The following MGAM variants were observed in gnomAD, a reference collection of about 807,000 sequenced individuals.
The protein encoded by MGAM is alpha-1,4-glucosidase.
A neutral mutation model predicts 358.8 loss-of-function variants in MGAM; 253 were observed. The observed-to-expected ratio is 0.71, with a 90% CI of 0.64 to 0.78. The LOEUF (loss-of-function observed/expected upper bound fraction) is 0.78, where lower values mean the gene tolerates loss of function less well. MGAM is among the 30% of genes least tolerant of loss of function. The pLI is 0.00. For missense variants in MGAM, 3,080 were observed against 3,432.6 expected, an observed-to-expected ratio of 0.90 and a Z score of 2.57; for synonymous variants, 1,105 against 1,227.1, an observed-to-expected ratio of 0.90 and a Z score of 2.08.
In MGAM at chr7:142,093,307, C is replaced by T; in HGVS notation, c.7034-105C>T. On this transcript the variant is annotated intron_variant, in intron 59 of 70. Transcript: ENST00000475668. ...CTGGGAAGACGGAGAGTGACACAGGCAGGACTGAAGTTAGTCTTAAGATCC... is the reference window on the plus strand; with the variant it reads ...CTGGGAAGACGGAGAGTGACACAGGTAGGACTGAAGTTAGTCTTAAGATCC... The T allele has an allele frequency of 1.5e-6, 2 of 1,351,710 alleles. 1 individual carries two copies. The highest frequency in any genetic ancestry group is 2.0e-6 in the Non-Finnish European group (2 of 980,852). 83.7% of individuals were successfully genotyped at this position (1,351,710 alleles called of 1,614,324 possible).
At chr7:142,044,192 A>C (rs1326953218) in intron 21 of MGAM, among the ~76,000 whole-genome samples, 2 of 137,128 alleles carry the variant, frequency 1.5e-5, no homozygotes, top group Admixed American at 1.6e-4. Context: ...TACGACATAT[A>C]ATATATAATA....
At position 142,045,266 on chromosome 7, in the gene MGAM, TTA is replaced by T. The variant is rs554450778; in HGVS notation, c.2499-2512_2499-2511del. On this transcript the variant is annotated intron_variant, in intron 21 of 70. Coordinates refer to ENST00000475668, the MANE Select transcript of MGAM (RefSeq NM_001365693.1). ...TATAATATATGATATATAATATATA[TTA>T]TATATACCTATAATATATGATATAT... 7.1e-3 allele frequency among the ~76,000 whole-genome samples: 622 copies of T among 87,344 alleles called. 8 individuals are homozygous for T. Among genetic ancestry groups the T allele is most frequent in the African/African-American group, 0.028 (609 of 21,898 alleles). The allele number at this position is 87,344 out of a possible 152,430, so 57.3% of individuals were successfully genotyped here.
Position 142,052,290 on chromosome 7 carries a change from A to G in MGAM, c.2806-4A>G. On this transcript the variant is annotated splice_region_variant and splice_polypyrimidine_tract_variant and intron_variant, in intron 24 of 70. Transcript: ENST00000475668. ...ATTTCCTTATGATTTCCACATTCCT[A>G]CAGGTTGCCATTATCACAGATATTG... 6.2e-7 allele frequency: 1 copy of G among 1,600,146 alleles called. No individual in the cohort carries two copies. The highest frequency in any genetic ancestry group is 8.5e-7 in the Non-Finnish European group (1 of 1,172,510).
rs890239192 is a variant in MGAM at position 142,089,070 on chromosome 7, C to A, written c.6810+2353C>A. Among the ~76,000 whole-genome samples, 109 of 145,296 alleles carry A rather than the reference C, an allele frequency of 7.5e-4. 14 individuals are homozygous for A. The highest frequency in any genetic ancestry group is 2.8e-4 in the Non-Finnish European group (18 of 64,400). On this transcript the variant is annotated intron_variant, in intron 57 of 70. Coordinates refer to ENST00000475668, the MANE Select transcript of MGAM (RefSeq NM_001365693.1). ...GGGAGAAGACCTAGCTTCCTGTCCTCTCGTCACCTCTCACAGAGAATCACT... is the reference window on the plus strand; with the variant it reads ...GGGAGAAGACCTAGCTTCCTGTCCTATCGTCACCTCTCACAGAGAATCACT...
Position 142,039,525 on chromosome 7 carries a change from G to GC in MGAM, c.2317-586dup, listed in dbSNP as rs1196971045. 2.0e-5 allele frequency among the ~76,000 whole-genome samples: 3 copies of GC among 152,112 alleles called. No homozygotes were observed. The East Asian group carries it at 5.8e-4, about 29-fold the overall frequency. On this transcript the variant is annotated intron_variant, in intron 19 of 70. Coordinates refer to ENST00000475668, the MANE Select transcript of MGAM (RefSeq NM_001365693.1). ...TCATCATCCAGTCAGCTCCCTCCAG[G>GC]CCCCACCTCCAACACTGGGGATTAC...
At chr7:142,051,672 C>T (rs188411368) in intron 24 of MGAM, among the ~76,000 whole-genome samples, 140 of 151,770 alleles carry the variant, frequency 9.2e-4, no homozygotes, top group African/African-American at 3.2e-3. Context: ...TCAAATTTGC[C>T]GTTGCTAAAA....
intron 22 of MGAM, among the ~76,000 whole-genome samples, chr7:142,048,990 G>C (rs1258421255): frequency 6.6e-6 from 1 of 152,004 alleles, no homozygotes; most frequent in Non-Finnish European, 1.5e-5. Flanking sequence ...CTAAAAATTT[G>C]TACCCTTGAC....
rs782709536 is a variant in MGAM, at chr7:142,027,111, C to G, written c.983-4C>G. ...TTTATTTTCTTCATTTTTAACCTTTCAAGAGGTTGTCCTTCAGCCTGCGCC... is the reference window on the plus strand; with the variant it reads ...TTTATTTTCTTCATTTTTAACCTTTGAAGAGGTTGTCCTTCAGCCTGCGCC... On this transcript the variant is annotated splice_polypyrimidine_tract_variant and splice_region_variant and intron_variant, in intron 8 of 70. Coordinates refer to ENST00000475668, the MANE Select transcript of MGAM (RefSeq NM_001365693.1). 2 of 1,604,302 alleles carry G rather than the reference C, an allele frequency of 1.2e-6. No individual in the cohort carries two copies. Among genetic ancestry groups the G allele is most frequent in the Non-Finnish European group, 1.7e-6 (2 of 1,171,570 alleles).
intron 45 of MGAM, among the ~76,000 whole-genome samples, chr7:142,075,575 T>C (rs1323750657): frequency 6.8e-6 from 1 of 146,334 alleles, no homozygotes; most frequent in Admixed American, 6.9e-5. Flanking sequence ...AAGGAACATA[T>C]GCAACTCAGT....
At chr7:142,045,186 TG>T (rs201740169) in intron 21 of MGAM, among the ~76,000 whole-genome samples, 5,175 of 73,550 alleles carry the variant, frequency 0.07, 608 homozygotes, top group African/African-American at 0.28. Context: ...ATAACATATA[TG>T]ATATATAATA....
intron 21 of MGAM, among the ~76,000 whole-genome samples, chr7:142,041,973 TATATATATA>T (rs1808750047): frequency 4.3e-5 from 1 of 23,092 alleles, no homozygotes. Context: ...ATATATATTA[TATATATATA>T]ATATAATATA....
At position 142,045,831 on chromosome 7, in the gene MGAM, A is replaced by ATCG. The variant is rs1425852952; in HGVS notation, c.2499-1953_2499-1952insCGT. On this transcript the variant is annotated intron_variant, in intron 21 of 70. Transcript: ENST00000475668. ...AATGTATGAATATATGATATATATTATATATACATACAATATGTAATATAT... is the reference window on the plus strand; with the variant it reads ...AATGTATGAATATATGATATATATTATCGTATATACATACAATATGTAATATAT... 5.8e-4 allele frequency among the ~76,000 whole-genome samples: 69 copies of ATCG among 119,762 alleles called. 14 individuals carry two copies. The highest frequency in any genetic ancestry group is 2.2e-3 in the African/African-American group (63 of 29,002). The allele number at this position is 119,762 out of a possible 152,430, so 78.6% of individuals were successfully genotyped here.
At chr7:142,066,549 A>C in intron 40 of MGAM, 24 bp from the exon 41 acceptor site, 1 of 1,553,138 alleles carries the variant, frequency 6.4e-7, no homozygotes. Flanking sequence ...GCGAGCTCCC[A>C]ACACTGTTCT....
chr7:142,022,599 G>A (rs1482640376), intron 7 of MGAM, among the ~76,000 whole-genome samples, 160 bp downstream of exon 7: 4 of 152,156 alleles, frequency 2.6e-5, no homozygotes, highest in Non-Finnish European at 5.9e-5. Flanking sequence ...GGTTCTGGGT[G>A]TTACCTACCT....
intron 31 of MGAM, 39 bp from the exon 32 acceptor site, chr7:142,059,433 T>G: frequency 6.3e-7 from 1 of 1,597,502 alleles, no homozygotes; most frequent in South Asian, 1.1e-5. Context: ...CTTGGGCGTG[T>G]ACAGCAGCAG....
chr7:142,084,432 G>A lies in MGAM; in HGVS notation c.6382-87G>A, dbSNP rs1814585540. The A allele has an allele frequency of 2.9e-6, 4 of 1,395,246 alleles. 1 individual carries two copies. The highest frequency in any genetic ancestry group is 1.8e-5 in the Admixed American group (1 of 55,514). The allele number at this position is 1,395,246 out of a possible 1,614,324, so 86.4% of individuals were successfully genotyped here. On this transcript the variant is annotated intron_variant, in intron 53 of 70. Transcript: ENST00000475668. Reference sequence around the variant, plus strand: ...CAATTAGTTAGTTGTCTAGCTTGGGGCACAGAAAAATATTCTTATTACTTG... The same window carrying A: ...CAATTAGTTAGTTGTCTAGCTTGGGACACAGAAAAATATTCTTATTACTTG...
intron 24 of MGAM, 145 bp from the exon 25 acceptor site, chr7:142,052,146 CTCT>C: frequency 1.5e-6 from 1 of 684,150 alleles, no homozygotes; most frequent in Non-Finnish European, 2.4e-6. Context: ...ATGTGCAGTT[CTCT>C]TCTTATAAGC....
rs775175498 is a variant in MGAM, at chr7:142,100,787, G to C, written c.7875-15G>C. ...CTTTACTTTTAGCTAATGCCTCTCT[G>C]CCTGCTCACTGCAGCCGCCAGAAAT... On this transcript the variant is annotated splice_polypyrimidine_tract_variant and intron_variant, in intron 67 of 70. Coordinates refer to ENST00000475668, the MANE Select transcript of MGAM (RefSeq NM_001365693.1). The C allele has an allele frequency of 3.1e-6, 5 of 1,604,058 alleles. No individual in the cohort carries two copies. Among genetic ancestry groups the C allele is most frequent in the Admixed American group, 1.7e-5 (1 of 58,738 alleles).
At chr7:142,072,005 G>T (rs1364231389) in intron 44 of MGAM, among the ~76,000 whole-genome samples, 1 of 145,728 alleles carries the variant, frequency 6.9e-6, no homozygotes, top group African/African-American at 2.4e-5. Flanking sequence ...TCAAATTCTA[G>T]ACTTTTTTAT....
Sources: allele counts gnomAD v4.1 joint callset (sites outside exome capture counted in the v4.1 genomes callset), GRCh38; gene constraint gnomAD v4.1.1; transcripts MANE v1.5; gene names NCBI Gene and HGNC (gene_info 2026-07-23, HGNC 2026-07-21).